SENP1: variants seen among roughly 807,000 people sequenced by gnomAD.
SENP1 encodes the protein sentrin-specific protease 1.
In SENP1, 21 loss-of-function variants were observed where a neutral mutation model predicts 93.0. The ratio of observed to expected loss-of-function variants is 0.23; its 90% confidence interval spans 0.16 to 0.33. The LOEUF is 0.33. SENP1 is among the 10% of genes least tolerant of loss of function. The pLI, the probability that SENP1 is intolerant of heterozygous loss-of-function variation, is 1.00. For synonymous variants in SENP1, 256 were observed against 259.6 expected, an observed-to-expected ratio of 0.99 and a Z score of 0.13; for missense variants, 591 against 758.7, an observed-to-expected ratio of 0.78 and a Z score of 2.60.
intron 13 of SENP1, among the ~76,000 whole-genome samples, chr12:48,059,696 T>C (rs770381600): frequency 1.3e-5 from 2 of 152,052 alleles, no homozygotes; most frequent in Non-Finnish European, 2.9e-5. Flanking sequence ...GAATTCGTTG[T>C]ATTCCTTTAA....
chr12:48,060,710 A>T (rs200281806), intron 13 of SENP1, among the ~76,000 whole-genome samples: 1 of 152,236 alleles, frequency 6.6e-6, no homozygotes. Flanking sequence ...TCAGCCTCTC[A>T]GTGTTCGGAT....
Position 48,065,399 on chromosome 12 carries a change from T to C in SENP1, c.1120-179A>G, listed in dbSNP as rs191336797. Among the ~76,000 whole-genome samples, 5 of 152,334 alleles carry C rather than the reference T, an allele frequency of 3.3e-5. No individual in the cohort carries two copies. The East Asian group carries it at 9.6e-4, about 29-fold the overall frequency. On this transcript the variant is annotated intron_variant, in intron 11 of 17. Transcript: ENST00000549518. ...AGTCGAACCATCACAAGTAGGGGAC[T>C]ATCTATATTTGTCTTATGTACAATG...
At position 48,103,636 on chromosome 12, in the gene SENP1, C is replaced by T. The variant is rs116536366; in HGVS notation, c.-44-2120G>A. ...ATGTTGGATCTGGAACCTCTGATGCCACCAAATTCAAGCAACTGTAAAAAT... is the reference window on the plus strand; with the variant it reads ...ATGTTGGATCTGGAACCTCTGATGCTACCAAATTCAAGCAACTGTAAAAAT... On this transcript the variant is annotated intron_variant, in intron 1 of 17. Coordinates refer to ENST00000549518, the MANE Select transcript of SENP1 (RefSeq NM_001267594.2). 6.4e-3 allele frequency among the ~76,000 whole-genome samples: 958 copies of T among 150,732 alleles called. 11 individuals are homozygous for T. Among genetic ancestry groups the T allele is most frequent in the African/African-American group, 0.022 (898 of 40,894 alleles).
chr12:48,096,785 C>A (rs940198079), intron 3 of SENP1, among the ~76,000 whole-genome samples: 12 of 152,020 alleles, frequency 7.9e-5, no homozygotes, highest in Non-Finnish European at 1.8e-4. Context: ...AAAATAAAAA[C>A]ATATACTAGG....
At position 48,074,377 on chromosome 12, in the gene SENP1, T is replaced by G. The variant is rs764900590; in HGVS notation, c.887A>C (p.His296Pro). 11 of 1,613,426 alleles carry G rather than the reference T, an allele frequency of 6.8e-6. No individual in the cohort carries two copies. Among genetic ancestry groups the G allele is most frequent in the Non-Finnish European group, 9.3e-6 (11 of 1,179,718 alleles). ...SGTLHHPHHH[H>P]SVPHQPDNLA... is the part of the protein sequence containing the mutation. The stretch of plus-strand genomic sequence containing the variant: ...GTTATCTGGCTGATGTGGAACAGAG[T>G]GGTGATGATGGGGATGATGAAGAGT... The change falls in exon 8 of 18, where the codon CAC (histidine) becomes CCC (proline). Residue 296 changes from histidine (H) to proline (P), a missense_variant. Around this residue, in one of 4 missense-constraint regions of SENP1, gnomAD observed 238 missense variants for 259.1 expected, o/e 0.92. Transcript: ENST00000549518.
At chr12:48,081,355 C>CTA (rs1031766326) in intron 6 of SENP1, 1 of 151,970 alleles carries the variant, frequency 6.6e-6, no homozygotes, top group Non-Finnish European at 1.5e-5. Context: ...AAGACTGGAA[C>CTA]TATATAGAGA....
At chr12:48,050,312 C>A (rs915212459) in intron 13 of SENP1, among the ~76,000 whole-genome samples, 4 of 152,198 alleles carry the variant, frequency 2.6e-5, no homozygotes, top group African/African-American at 7.2e-5. Flanking sequence ...CAGTAAGCAA[C>A]GACATACTGG....
intron 8 of SENP1, 114 bp from the exon 9 acceptor site, chr12:48,071,835 A>C (rs901341080): frequency 2.9e-6 from 2 of 688,120 alleles, no homozygotes; most frequent in East Asian, 2.8e-5. Context: ...CAAAAATAAC[A>C]TAAGAACAAA....
chr12:48,098,455 C>T (rs985306256), intron 2 of SENP1, among the ~76,000 whole-genome samples: 5 of 151,646 alleles, frequency 3.3e-5, no homozygotes, highest in African/African-American at 9.7e-5. Context: ...CCAGCCTGGC[C>T]AACATGGTGA....
chr12:48,100,165 A>T (rs1945828492), intron 2 of SENP1, among the ~76,000 whole-genome samples: 1 of 152,226 alleles, frequency 6.6e-6, no homozygotes, highest in African/African-American at 2.4e-5. Flanking sequence ...TTCCTAAATT[A>T]GCTACTAGTC....
chr12:48,057,384 C>G (rs1207222409), intron 13 of SENP1, among the ~76,000 whole-genome samples: 3 of 147,368 alleles, frequency 2.0e-5, no homozygotes, highest in Non-Finnish European at 4.5e-5. Context: ...CGCCTGCCAC[C>G]ACACCTGGCT....
intron 6 of SENP1, chr12:48,081,410 A>G (rs1240598314): frequency 6.6e-6 from 1 of 152,040 alleles, no homozygotes; most frequent in East Asian, 1.9e-4. Context: ...AAATTTGTGT[A>G]ATGTCAAAAA....
At chr12:48,080,210 C>T (rs1419879824) in intron 6 of SENP1, 1 of 152,134 alleles carries the variant, frequency 6.6e-6, no homozygotes. Flanking sequence ...AATATGGTAG[C>T]CACTAGCCAC....
intron 13 of SENP1, among the ~76,000 whole-genome samples, chr12:48,060,825 T>C (rs142897813): frequency 6.6e-6 from 1 of 152,188 alleles, no homozygotes; most frequent in South Asian, 2.1e-4. Flanking sequence ...CCTGACCCAG[T>C]ATAGAAATCC....
At chr12:48,095,126 A>T (rs1031199208) in intron 4 of SENP1, among the ~76,000 whole-genome samples, 17 of 152,240 alleles carry the variant, frequency 1.1e-4, no homozygotes, top group African/African-American at 4.1e-4. Context: ...CTAAAAGAGC[A>T]TCCTACTAAC....
rs1941215448 is a variant in SENP1, at chr12:48,044,393, T to C, written c.*929A>G. The C allele has an allele frequency of 6.7e-6, 1 of 149,746 alleles. No individual in the cohort carries two copies. The highest frequency in any genetic ancestry group is 1.5e-5 in the Non-Finnish European group (1 of 67,574). 9.3% of individuals were successfully genotyped at this position (149,746 alleles called of 1,614,324 possible). A position where few individuals can be genotyped will look rare whatever the true frequency, so the allele number is the denominator to read the frequency against. ...ATATATATGTATGTGTATATATATA[T>C]GTATATATATATGAAATTCTCTGTG... On this transcript the variant is annotated 3_prime_UTR_variant, in exon 18 of 18. Coordinates refer to ENST00000549518, the MANE Select transcript of SENP1 (RefSeq NM_001267594.2).
At chr12:48,102,273 A>C (rs1440607568) in intron 1 of SENP1, among the ~76,000 whole-genome samples, 3 of 152,032 alleles carry the variant, frequency 2.0e-5, no homozygotes, top group Non-Finnish European at 4.4e-5. Context: ...CTCTACTAAA[A>C]ATACAACAAT....
At chr12:48,077,072 A>T (rs1261768323) in intron 6 of SENP1, among the ~76,000 whole-genome samples, 2 of 152,202 alleles carry the variant, frequency 1.3e-5, no homozygotes, top group Non-Finnish European at 2.9e-5. Context: ...GAGAACATGC[A>T]GCATTTGGTT....
At chr12:48,065,791 C>G in intron 10 of SENP1, 111 bp from the exon 11 acceptor site, 2 of 650,062 alleles carry the variant, frequency 3.1e-6, no homozygotes, top group Admixed American at 5.9e-5. Context: ...AGTCTAAAAT[C>G]CTTACACTAA....
Sources: gnomAD v4.1 joint callset for allele counts (sites outside exome capture counted in the v4.1 genomes callset) on GRCh38, gnomAD v4.1.1 for gene constraint, gnomAD v4.1.1 regional missense constraint, MANE v1.5 for transcripts, NCBI Gene and HGNC (gene_info 2026-07-23, HGNC 2026-07-21) for gene names.